The following CLDN10 variants were observed in gnomAD, a reference collection of about 807,000 sequenced individuals.
CLDN10 encodes claudin-10.
In CLDN10, 15 loss-of-function variants were observed where a neutral mutation model predicts 22.9. The ratio of observed to expected loss-of-function variants is 0.65; its 90% CI spans 0.44 to 1.01. The LOEUF (loss-of-function observed/expected upper bound fraction) is 1.01, where lower values mean the gene tolerates loss of function less well. CLDN10 is among the 50% of genes least tolerant of loss of function. The probability of loss-of-function intolerance (pLI) is 0.00; values close to 1 mark genes in which losing one functional copy is unlikely to be tolerated. For synonymous variants in CLDN10, 114 were observed against 111.4 expected (o/e 1.02, Z -0.15); for missense variants, 247 against 287.8 (o/e 0.86, Z 1.03).
At chr13:95,553,065 C>A (rs975827778) in intron 1 of CLDN10, 92 bp downstream of exon 1, 3 of 1,512,316 alleles carry the variant, frequency 2.0e-6, no homozygotes, top group Admixed American at 1.9e-5. Context: ...CCAGCGGGAC[C>A]CCTAGACTGG....
chr13:95,520,047 CAT>C (rs1180167614), intron 1 of CLDN10, among the ~76,000 whole-genome samples: 1 of 152,136 alleles, frequency 6.6e-6, no homozygotes, highest in African/African-American at 2.4e-5. Flanking sequence ...CGTACGCGTG[CAT>C]GTGTGTGTGT....
chr13:95,540,301 A>AAAATAAATAAAT lies in CLDN10; in HGVS notation c.215-19801_215-19790dup, dbSNP rs57019843. Reference sequence around the variant, plus strand: ...GGCAACAGAGGGAGACTCTGTCTCAAAAATAAATAAATAAATAAATAAATA... The same window carrying AAAATAAATAAAT: ...GGCAACAGAGGGAGACTCTGTCTCAAAAATAAATAAATAAATAAATAAATAAATAAATAAATA... On this transcript the variant is annotated intron_variant, in intron 1 of 4. Coordinates refer to the CLDN10 transcript ENST00000376873. 4.3e-3 allele frequency among the ~76,000 whole-genome samples: 617 copies of AAAATAAATAAAT among 142,826 alleles called. 2 individuals carry two copies. Among genetic ancestry groups the AAAATAAATAAAT allele is most frequent in the Middle Eastern group, 0.021 (6 of 290 alleles). 93.7% of individuals were successfully genotyped at this position (142,826 alleles called of 152,430 possible).
intron 1 of CLDN10, among the ~76,000 whole-genome samples, chr13:95,451,939 C>T (rs1402464466): frequency 6.6e-6 from 1 of 152,180 alleles, no homozygotes; most frequent in Non-Finnish European, 1.5e-5. Flanking sequence ...ATAGATGTTG[C>T]AAAGCATCCT....
At chr13:95,545,334 A>C (rs1033388832) in intron 1 of CLDN10, among the ~76,000 whole-genome samples, 4 of 151,832 alleles carry the variant, frequency 2.6e-5, no homozygotes, top group African/African-American at 9.7e-5. Flanking sequence ...ACCTGAGTTA[A>C]AGAGTTCGAA....
chr13:95,438,865 G>T (rs182523070), intron 1 of CLDN10, among the ~76,000 whole-genome samples: 5 of 151,166 alleles, frequency 3.3e-5, no homozygotes, highest in African/African-American at 1.2e-4. Flanking sequence ...TGTAGTCCCC[G>T]CTCTTTGGGA....
chr13:95,538,390 G>T (rs1295423869), intron 1 of CLDN10, among the ~76,000 whole-genome samples: 2 of 151,488 alleles, frequency 1.3e-5, no homozygotes, highest in African/African-American at 4.9e-5. Flanking sequence ...CACCCACCTT[G>T]GACTCCCAAA....
intron 1 of CLDN10, among the ~76,000 whole-genome samples, chr13:95,515,548 T>C (rs1189632915): frequency 6.6e-6 from 1 of 152,138 alleles, no homozygotes; most frequent in East Asian, 1.9e-4. Flanking sequence ...TTCCTACAGG[T>C]CCTTCCCCAC....
intron 3 of CLDN10, among the ~76,000 whole-genome samples, chr13:95,576,992 G>T (rs1201978226): frequency 6.6e-6 from 1 of 152,168 alleles, no homozygotes; most frequent in Non-Finnish European, 1.5e-5. Context: ...CTTTTGCTTT[G>T]ACTTTGCCCC....
At chr13:95,436,049 C>A (rs1358871764) in intron 1 of CLDN10, among the ~76,000 whole-genome samples, 1 of 151,922 alleles carries the variant, frequency 6.6e-6, no homozygotes, top group Non-Finnish European at 1.5e-5. Context: ...ATGTGTTCAA[C>A]TTTAGCTTCA....
intron 1 of CLDN10, among the ~76,000 whole-genome samples, chr13:95,514,686 G>A (rs1214472897): frequency 6.6e-6 from 1 of 152,162 alleles, no homozygotes; most frequent in Non-Finnish European, 1.5e-5. Context: ...GTCTGGATCA[G>A]GGAACATGGG....
Position 95,469,862 on chromosome 13 carries a change from T to C in CLDN10, c.214+35815T>C, listed in dbSNP as rs1284666124. Among the ~76,000 whole-genome samples, 3 of 152,214 alleles carry C rather than the reference T, an allele frequency of 2.0e-5. No individual in the cohort carries two copies. In the East Asian group the frequency reaches 5.8e-4, roughly 29 times the overall value. ...AGGCTTTATTGTCTTTTTAATTTTTTACTTGCCCAGGTGATAAATTGAATA... is the reference window on the plus strand; with the variant it reads ...AGGCTTTATTGTCTTTTTAATTTTTCACTTGCCCAGGTGATAAATTGAATA... On this transcript the variant is annotated intron_variant, in intron 1 of 4. Transcript: ENST00000376873.
intron 1 of CLDN10, among the ~76,000 whole-genome samples, chr13:95,453,343 C>A (rs913598323): frequency 1.3e-5 from 2 of 152,180 alleles, no homozygotes; most frequent in Non-Finnish European, 2.9e-5. Context: ...ATTCCACCAA[C>A]AACCTCACCC....
At chr13:95,493,413 A>G (rs1312333724) in intron 1 of CLDN10, among the ~76,000 whole-genome samples, 1 of 152,102 alleles carries the variant, frequency 6.6e-6, no homozygotes, top group Non-Finnish European at 1.5e-5. Context: ...CCATCTCCAG[A>G]AAAGAGTTCT....
intron 3 of CLDN10, among the ~76,000 whole-genome samples, chr13:95,566,250 A>C (rs1375082606): frequency 2.0e-5 from 3 of 152,218 alleles, no homozygotes; most frequent in Non-Finnish European, 4.4e-5. Context: ...CAACAGTGTA[A>C]AAGCATTCCT....
intron 1 of CLDN10, among the ~76,000 whole-genome samples, chr13:95,480,154 A>G (rs1221971598): frequency 6.6e-6 from 1 of 152,152 alleles, no homozygotes; most frequent in African/African-American, 2.4e-5. Flanking sequence ...AGATCTTGTG[A>G]GACTCACGAT....
intron 1 of CLDN10, among the ~76,000 whole-genome samples, chr13:95,459,544 T>A (rs1309770222): frequency 6.6e-6 from 1 of 152,202 alleles, no homozygotes; most frequent in Non-Finnish European, 1.5e-5. Flanking sequence ...TCTGAAACAA[T>A]GGTCTGCGCT....
intron 1 of CLDN10, among the ~76,000 whole-genome samples, chr13:95,458,054 A>T (rs993998112): frequency 2.0e-5 from 3 of 152,146 alleles, no homozygotes; most frequent in Admixed American, 6.5e-5. Flanking sequence ...ACCTTAGATG[A>T]GGTTGGCTGG....
chr13:95,462,924 G>A (rs1204906698), intron 1 of CLDN10, among the ~76,000 whole-genome samples: 1 of 152,110 alleles, frequency 6.6e-6, no homozygotes, highest in African/African-American at 2.4e-5. Context: ...ACGGGCTCAG[G>A]GATACAAAAG....
intron 1 of CLDN10, among the ~76,000 whole-genome samples, chr13:95,461,992 AG>A (rs1480032428): frequency 6.6e-6 from 1 of 152,136 alleles, no homozygotes; most frequent in African/African-American, 2.4e-5. Flanking sequence ...GCTCCTCAGG[AG>A]GCTGAGGTGG....
Sources: allele counts gnomAD v4.1 joint callset (sites outside exome capture counted in the v4.1 genomes callset), GRCh38; gene constraint gnomAD v4.1.1; transcripts MANE v1.5; gene names NCBI Gene and HGNC (gene_info 2026-07-23, HGNC 2026-07-21).